RBM20: variants seen among roughly 807,000 people sequenced by gnomAD.
RBM20 encodes RNA-binding protein 20.
RBM20 carries 51 observed loss-of-function variants against 110.1 expected under a neutral mutation model. The ratio of observed to expected loss-of-function variants is 0.46; its 90% CI spans 0.37 to 0.59. The LOEUF is 0.59. RBM20 is among the 20% of genes least tolerant of loss of function. The pLI is 0.00. For missense variants in RBM20, 1,512 were observed against 1,574.9 expected (o/e 0.96, Z 0.68); for synonymous variants, 589 against 618.2 (o/e 0.95, Z 0.70).
chr10:110,720,436 A>C (rs933046967), intron 1 of RBM20, among the ~76,000 whole-genome samples: 1 of 152,058 alleles, frequency 6.6e-6, no homozygotes, highest in Non-Finnish European at 1.5e-5. Context: ...TTGCAGTGCA[A>C]CCGCGGGACT....
chr10:110,644,049 T>C (rs1239386358), upstream of RBM20, among the ~76,000 whole-genome samples: 4 of 152,172 alleles, frequency 2.6e-5, no homozygotes, highest in Non-Finnish European at 5.9e-5. The surrounding 1 kb of genome is among the most constrained non-coding windows in gnomAD (Gnocchi z 4.3). Flanking sequence ...GTCGCCTTCC[T>C]CACGCGGTAT....
rs551843481 is a variant in RBM20 at position 110,714,054 on chromosome 10, T to A, written c.192-66747T>A. Among the ~76,000 whole-genome samples, 8 of 152,328 alleles carry A rather than the reference T, an allele frequency of 5.3e-5. No homozygotes were observed. In the East Asian group the frequency reaches 1.3e-3, roughly 26 times the overall value. ...GTGAGGACCTGGCTAAGCAGATCTG[T>A]GCCTGGAGTTACAGTCATGGCAGTG... On this transcript the variant is annotated intron_variant, in intron 1 of 13. Coordinates refer to ENST00000369519, the MANE Select transcript of RBM20 (RefSeq NM_001134363.3).
intron 1 of RBM20, among the ~76,000 whole-genome samples, chr10:110,713,975 G>C (rs1296381222): frequency 6.6e-6 from 1 of 152,162 alleles, no homozygotes; most frequent in Non-Finnish European, 1.5e-5. Flanking sequence ...AAGATACATG[G>C]CCCAAAGGAT....
At chr10:110,669,121 C>G (rs9651417) in intron 1 of RBM20, among the ~76,000 whole-genome samples, 2 of 151,864 alleles carry the variant, frequency 1.3e-5, no homozygotes. Context: ...TTCGTTTTTT[C>G]TGGAATAGCA....
intron 1 of RBM20, among the ~76,000 whole-genome samples, chr10:110,699,872 G>A (rs537109435): frequency 2.6e-5 from 4 of 152,142 alleles, no homozygotes; most frequent in East Asian, 3.9e-4. Flanking sequence ...TTGATCACAC[G>A]CACTGCCGTA....
Position 110,658,438 on chromosome 10 carries a change from A to G in RBM20, c.191+13793A>G, listed in dbSNP as rs991748316. Among the ~76,000 whole-genome samples the G allele has an allele frequency of 3.3e-5, 5 of 152,222 alleles. No homozygotes were observed. In the East Asian group the frequency reaches 9.6e-4, roughly 29 times the overall value. On this transcript the variant is annotated intron_variant, in intron 1 of 13. Coordinates refer to ENST00000369519, the MANE Select transcript of RBM20 (RefSeq NM_001134363.3). ...AACCCTGTGAAGTAGGTAGGGACTA[A>G]GTAACTAGGAGTAGCTCAGGGTCAC...
intron 5 of RBM20, among the ~76,000 whole-genome samples, chr10:110,792,141 GTCTATCTATCTATCTATCTATCTA>G (rs55998629): frequency 2.7e-4 from 40 of 147,740 alleles, no homozygotes; most frequent in Non-Finnish European, 5.2e-4. Context: ...TCCTCTATCT[GTCTATCTATCTATCTATCTATCTA>G]TCTATCTATC....
chr10:110,645,811 C>T (rs1861859751), intron 1 of RBM20, among the ~76,000 whole-genome samples: 1 of 142,282 alleles, frequency 7.0e-6, no homozygotes, highest in Non-Finnish European at 1.6e-5. Context: ...AATACTGAGT[C>T]TCCACTTGTG....
At chr10:110,712,926 A>G (rs1368782142) in intron 1 of RBM20, among the ~76,000 whole-genome samples, 1 of 152,206 alleles carries the variant, frequency 6.6e-6, no homozygotes, top group African/African-American at 2.4e-5. Flanking sequence ...CCCTCTGTAG[A>G]GTATCTTAAA....
At chr10:110,732,505 T>C (rs1454616131) in intron 1 of RBM20, among the ~76,000 whole-genome samples, 2 of 152,220 alleles carry the variant, frequency 1.3e-5, no homozygotes, top group South Asian at 4.1e-4. Context: ...GCAAATTCAA[T>C]TCACTGCTCT....
chr10:110,709,892 A>C (rs1415524258), intron 1 of RBM20, among the ~76,000 whole-genome samples: 2 of 152,154 alleles, frequency 1.3e-5, no homozygotes, highest in Non-Finnish European at 2.9e-5. Flanking sequence ...CAAAAATCAT[A>C]AAGTTCAACT....
intron 1 of RBM20, among the ~76,000 whole-genome samples, chr10:110,741,123 CCTT>C (rs979488593): frequency 6.6e-6 from 1 of 152,210 alleles, no homozygotes; most frequent in African/African-American, 2.4e-5. Context: ...GCTTGTCTCA[CCTT>C]CTCAGTTGTC....
chr10:110,711,189 G>A (rs1250180371), intron 1 of RBM20, among the ~76,000 whole-genome samples: 1 of 147,426 alleles, frequency 6.8e-6, no homozygotes, highest in Non-Finnish European at 1.5e-5. Context: ...AATTAGCTGG[G>A]CGTGGTGGTG....
At chr10:110,671,658 C>T (rs1862260208) in intron 1 of RBM20, among the ~76,000 whole-genome samples, 1 of 152,006 alleles carries the variant, frequency 6.6e-6, no homozygotes, top group African/African-American at 2.4e-5. Context: ...GCATTGTGCG[C>T]TCGTGAAACA....
Position 110,793,117 on chromosome 10 carries a change from C to G in RBM20, c.1528-4391C>G, listed in dbSNP as rs376805555. ...GACTTTAGACCTATAGGTCATCTCCCTCGTTCCAGACGTGGGGAAACTAAG... is the reference window on the plus strand; with the variant it reads ...GACTTTAGACCTATAGGTCATCTCCGTCGTTCCAGACGTGGGGAAACTAAG... On this transcript the variant is annotated intron_variant, in intron 5 of 13. Coordinates refer to ENST00000369519, the MANE Select transcript of RBM20 (RefSeq NM_001134363.3). Among the ~76,000 whole-genome samples, 14 of 152,286 alleles carry G rather than the reference C, an allele frequency of 9.2e-5. No individual in the cohort carries two copies. The South Asian group carries it at 2.7e-3, about 29-fold the overall frequency.
At chr10:110,821,214 T>C in intron 10 of RBM20, 61 bp from the exon 11 acceptor site, 2 of 1,412,572 alleles carry the variant, frequency 1.4e-6, no homozygotes, top group Non-Finnish European at 1.9e-6. Context: ...GGCCAAGTCT[T>C]GTGCCTTCCA....
intron 1 of RBM20, among the ~76,000 whole-genome samples, chr10:110,768,307 C>T (rs1268505834): frequency 6.6e-6 from 1 of 152,092 alleles, no homozygotes; most frequent in Non-Finnish European, 1.5e-5. Context: ...AAGATAGAGG[C>T]AAAAGCCAAA....
chr10:110,712,490 G>A (rs1023836588), intron 1 of RBM20, among the ~76,000 whole-genome samples: 4 of 152,168 alleles, frequency 2.6e-5, no homozygotes, highest in African/African-American at 9.7e-5. Flanking sequence ...CTAGAGGCTG[G>A]GTGCGGTGGC....
In RBM20 at chr10:110,781,295, A is replaced by C; in HGVS notation, c.686A>C (p.Tyr229Ser). Residue 229 changes from tyrosine (Y) to serine (S), a missense_variant, in exon 2 of 14, where the codon TAT (tyrosine) becomes TCT (serine). Coordinates refer to ENST00000369519, the MANE Select transcript of RBM20 (RefSeq NM_001134363.3). Reference protein sequence around the residue: ...TGPAPATAGFYEYGKASSGQT... With the variant: ...TGPAPATAGFSEYGKASSGQT... ...CCTGCTCCAGCTACAGCAGGATTCTATGAGTATGGCAAAGCCAGCTCTGGC... is the reference window on the plus strand; with the variant it reads ...CCTGCTCCAGCTACAGCAGGATTCTCTGAGTATGGCAAAGCCAGCTCTGGC... The C allele has an allele frequency of 6.4e-7, 1 of 1,551,670 alleles. No individual in the cohort carries two copies. The highest frequency in any genetic ancestry group is 8.7e-7 in the Non-Finnish European group (1 of 1,146,974).
Sources: gnomAD v4.1 joint callset for allele counts (sites outside exome capture counted in the v4.1 genomes callset) on GRCh38, gnomAD v4.1.1 for gene constraint, Gnocchi (gnomAD v3.1) non-coding constraint, MANE v1.5 for transcripts, NCBI Gene and HGNC (gene_info 2026-07-23, HGNC 2026-07-21) for gene names.